SEPTIN14: variants seen among roughly 807,000 people sequenced by gnomAD.
The protein encoded by SEPTIN14 is septin-14.
Under a neutral mutation model 53.6 loss-of-function variants are expected in SEPTIN14, and 40 were observed. That is an observed-to-expected ratio of 0.75 (90% CI 0.58 to 0.97). The LOEUF (loss-of-function observed/expected upper bound fraction) is 0.97. Among genes scored for constraint, SEPTIN14 ranks in the 50% least tolerant of loss-of-function variants. The probability of loss-of-function intolerance (pLI) is 0.00; values close to 1 mark genes in which losing one functional copy is unlikely to be tolerated. For synonymous variants in SEPTIN14, 138 were observed against 166.8 expected (o/e 0.83, Z 1.33); for missense variants, 471 against 508.2 (o/e 0.93, Z 0.70).
intron 2 of SEPTIN14, among the ~76,000 whole-genome samples, chr7:55,860,927 A>G (rs1309953009): frequency 6.6e-6 from 1 of 152,194 alleles, no homozygotes; most frequent in Non-Finnish European, 1.5e-5. Context: ...TCTATTGTAT[A>G]TAAATTACCA....
intron 5 of SEPTIN14, among the ~76,000 whole-genome samples, chr7:55,835,528 C>T (rs1440949294): frequency 6.6e-6 from 1 of 152,016 alleles, no homozygotes; most frequent in Non-Finnish European, 1.5e-5. Context: ...AATTTTATTT[C>T]TTATTAAGCT....
At chr7:55,850,830 G>A (rs1466063056) in intron 2 of SEPTIN14, 1 of 152,042 alleles carries the variant, frequency 6.6e-6, no homozygotes, top group Non-Finnish European at 1.5e-5. Context: ...CAGCACTTTG[G>A]GAGGTTGAGG....
chr7:55,834,717 A>T, intron 5 of SEPTIN14, 131 bp from the exon 6 acceptor site: 1 of 611,838 alleles, frequency 1.6e-6, no homozygotes, highest in Non-Finnish European at 2.7e-6. Context: ...ATCTCGGCTC[A>T]CTGCAAGCTC....
rs551291517 is a variant in SEPTIN14, at chr7:55,816,954, G to A, written c.817+2173C>T. ...AATTAGGATAACCATTATGAAAAACGGTATGGAGTTTCTTCAAAAAATTAA... is the reference window on the plus strand; with the variant it reads ...AATTAGGATAACCATTATGAAAAACAGTATGGAGTTTCTTCAAAAAATTAA... On this transcript the variant is annotated intron_variant, in intron 7 of 9. Coordinates refer to ENST00000388975, the MANE Select transcript of SEPTIN14 (RefSeq NM_207366.3). Among the ~76,000 whole-genome samples, 9 of 152,208 alleles carry A rather than the reference G, an allele frequency of 5.9e-5. No homozygotes were observed. In the East Asian group the frequency reaches 1.4e-3, roughly 23 times the overall value.
intron 6 of SEPTIN14, among the ~76,000 whole-genome samples, chr7:55,830,349 A>ATTTTTTTTTTTTTTTT (rs1216458496): frequency 1.8e-5 from 1 of 56,848 alleles, no homozygotes; most frequent in African/African-American, 1.0e-4. Context: ...ATATATATAT[A>ATTTTTTTTTTTTTTTT]TTTTTTTTTT....
intron 2 of SEPTIN14, among the ~76,000 whole-genome samples, chr7:55,853,192 G>A (rs112288113): frequency 6.6e-6 from 1 of 150,790 alleles, no homozygotes; most frequent in East Asian, 2.0e-4. Context: ...ATACCCAAAA[G>A]AAAGAAATTA....
intron 6 of SEPTIN14, among the ~76,000 whole-genome samples, chr7:55,825,732 C>A (rs996863538): frequency 1.3e-5 from 2 of 151,740 alleles, no homozygotes; most frequent in African/African-American, 4.8e-5. Context: ...TTTGGGAGGC[C>A]GAGGCGGTTG....
At chr7:55,837,514 A>G (rs1000035751) in intron 5 of SEPTIN14, among the ~76,000 whole-genome samples, 2 of 152,164 alleles carry the variant, frequency 1.3e-5, no homozygotes, top group Admixed American at 1.3e-4. Context: ...TCCCAAAGCC[A>G]CACAGTGAGC....
intron 2 of SEPTIN14, among the ~76,000 whole-genome samples, chr7:55,861,572 T>G (rs1789750468): frequency 1.3e-5 from 2 of 152,128 alleles, no homozygotes; most frequent in South Asian, 4.1e-4. Context: ...TCCAACCATT[T>G]GCTAAAATAA....
chr7:55,848,059 A>G (rs1386456485), intron 2 of SEPTIN14, among the ~76,000 whole-genome samples: 1 of 152,220 alleles, frequency 6.6e-6, no homozygotes, highest in Non-Finnish European at 1.5e-5. Context: ...CCGCTTTAAA[A>G]ATGTTTTAGT....
chr7:55,801,783 C>T (rs572624400), intron 9 of SEPTIN14, among the ~76,000 whole-genome samples: 117 of 151,792 alleles, frequency 7.7e-4, no homozygotes, highest in African/African-American at 2.6e-3. Flanking sequence ...TAGCCAGGCA[C>T]GGTGGTACAT....
At chr7:55,829,882 G>A (rs1226186924) in intron 6 of SEPTIN14, among the ~76,000 whole-genome samples, 5 of 108,476 alleles carry the variant, frequency 4.6e-5, no homozygotes, top group Non-Finnish European at 9.4e-5. Flanking sequence ...TAAACTAAAA[G>A]ACTTACATGC....
At chr7:55,801,166 A>G (rs1788517367) in intron 9 of SEPTIN14, among the ~76,000 whole-genome samples, 1 of 152,102 alleles carries the variant, frequency 6.6e-6, no homozygotes. Context: ...ACCAAGCGCA[A>G]AGTCAGTAAA....
chr7:55,813,992 G>C (rs1039496786), intron 7 of SEPTIN14, among the ~76,000 whole-genome samples: 2 of 152,170 alleles, frequency 1.3e-5, no homozygotes, highest in Admixed American at 6.5e-5. Context: ...CCACAGGAGT[G>C]ATGATGTCAC....
At chr7:55,811,485 G>C in intron 7 of SEPTIN14, 1 of 267,816 alleles carries the variant, frequency 3.7e-6, no homozygotes, top group Non-Finnish European at 7.4e-6. Context: ...TTTAAATCAA[G>C]TTTTACAGTT....
chr7:55,825,509 C>T (rs1008400388), intron 6 of SEPTIN14, among the ~76,000 whole-genome samples: 12 of 152,118 alleles, frequency 7.9e-5, no homozygotes, highest in Admixed American at 3.9e-4. Flanking sequence ...TAGTTTATAA[C>T]TTACCAATAT....
At chr7:55,858,831 A>G (rs190604046) in intron 2 of SEPTIN14, among the ~76,000 whole-genome samples, 1 of 152,138 alleles carries the variant, frequency 6.6e-6, no homozygotes, top group East Asian at 1.9e-4. Flanking sequence ...ATAGGGTAGT[A>G]AGAATCACAC....
At chr7:55,829,352 C>T (rs1789050296) in intron 6 of SEPTIN14, among the ~76,000 whole-genome samples, 1 of 147,692 alleles carries the variant, frequency 6.8e-6, no homozygotes, top group East Asian at 2.0e-4. Context: ...GAACCCCAGC[C>T]TGGACAACAA....
At chr7:55,799,124 A>G (rs1453842329) in intron 9 of SEPTIN14, among the ~76,000 whole-genome samples, 1 of 152,166 alleles carries the variant, frequency 6.6e-6, no homozygotes, top group Non-Finnish European at 1.5e-5. Context: ...AAAGTAGCAG[A>G]ATGAATAAAG....
Sources: gnomAD v4.1 joint callset for allele counts (sites outside exome capture counted in the v4.1 genomes callset) on GRCh38, gnomAD v4.1.1 for gene constraint, MANE v1.5 for transcripts, NCBI Gene and HGNC (gene_info 2026-07-23, HGNC 2026-07-21) for gene names.